The following SEMA6D variants were observed in gnomAD, a reference collection of about 807,000 sequenced individuals.
SEMA6D encodes semaphorin-6D.
SEMA6D carries 35 observed loss-of-function variants against 106.6 expected under a neutral mutation model. That is an observed-to-expected ratio of 0.33 (90% CI 0.25 to 0.44). The LOEUF (loss-of-function observed/expected upper bound fraction) is 0.44, where lower values mean the gene tolerates loss of function less well. SEMA6D is among the 20% of genes least tolerant of loss of function. The pLI is 1.00. For missense variants in SEMA6D, 1,185 were observed against 1,345.9 expected (o/e 0.88, Z 1.87); for synonymous variants, 499 against 487.7 (o/e 1.02, Z -0.31).
At chr15:47,660,353 T>A (rs1372832037) in intron 4 of SEMA6D, among the ~76,000 whole-genome samples, 2 of 152,118 alleles carry the variant, frequency 1.3e-5, no homozygotes, top group South Asian at 4.1e-4. Context: ...ATTACAGACC[T>A]CGACACAATG....
intron 1 of SEMA6D, among the ~76,000 whole-genome samples, chr15:47,206,077 C>G (rs1017291272): frequency 5.9e-5 from 9 of 152,136 alleles, no homozygotes; most frequent in Non-Finnish European, 1.2e-4. Context: ...CATCCTTACA[C>G]TAAAATTTTG....
chr15:47,673,519 C>G (rs2078178745), intron 4 of SEMA6D, among the ~76,000 whole-genome samples: 1 of 152,138 alleles, frequency 6.6e-6, no homozygotes. Context: ...CCGGGCAGGT[C>G]CAGAAAACAT....
chr15:47,738,053 G>C (rs917524883), intron 1 of SEMA6D, among the ~76,000 whole-genome samples: 1 of 151,502 alleles, frequency 6.6e-6, no homozygotes, highest in Admixed American at 6.6e-5. Flanking sequence ...AAAAAAAAAG[G>C]GTTACATATG....
chr15:47,462,860 T>A (rs903631819), intron 2 of SEMA6D, among the ~76,000 whole-genome samples: 1 of 152,114 alleles, frequency 6.6e-6, no homozygotes, highest in Admixed American at 6.6e-5. Context: ...TAAAACCTGT[T>A]CTGCAAGAAC....
At chr15:47,194,880 T>C (rs549760865) in intron 1 of SEMA6D, among the ~76,000 whole-genome samples, 3 of 152,316 alleles carry the variant, frequency 2.0e-5, no homozygotes, top group South Asian at 2.1e-4. Flanking sequence ...AAGTTTTGTG[T>C]TGAATGATGT....
At chr15:47,725,217 G>A (rs1354416355) in intron 1 of SEMA6D, among the ~76,000 whole-genome samples, 1 of 152,122 alleles carries the variant, frequency 6.6e-6, no homozygotes, top group Non-Finnish European at 1.5e-5. Context: ...GTTTTTTGAG[G>A]CTATAGTGCA....
In SEMA6D at chr15:47,765,971, C is replaced by G; in HGVS notation, c.1530C>G (p.Ile510Met). ...YVAFSSCIIR[I>M]PLSRCERYGS... Reference sequence around the variant, plus strand: ...CGTTCTCTAGCTGCATTATCCGCATCCCCCTCAGTCGCTGTGAGCGTTATG... The same window carrying G: ...CGTTCTCTAGCTGCATTATCCGCATGCCCCTCAGTCGCTGTGAGCGTTATG... The change falls in exon 14 of 19, where the codon ATC (isoleucine) becomes ATG (methionine). Residue 510 changes from isoleucine (I) to methionine (M), a missense_variant. By Grantham distance (10) the Ile-to-Met change is conservative. Transcript: ENST00000536845. 2.5e-6 allele frequency: 4 copies of G among 1,593,664 alleles called. No homozygotes were observed. The highest frequency in any genetic ancestry group is 2.2e-5 in the East Asian group (1 of 44,712).
intron 2 of SEMA6D, among the ~76,000 whole-genome samples, chr15:47,451,537 T>C (rs1390869): frequency 0.49 from 74,393 of 151,622 alleles, 19,577 homozygotes; most frequent in African/African-American, 0.69. Context: ...GAGTGAGAAA[T>C]CAGAAAATGA....
intron 1 of SEMA6D, among the ~76,000 whole-genome samples, chr15:47,357,272 T>A (rs2038617810): frequency 6.6e-6 from 1 of 151,974 alleles, no homozygotes; most frequent in Non-Finnish European, 1.5e-5. Flanking sequence ...GGGCGGAGCC[T>A]GCAGTGAGCC....
chr15:47,219,924 G>T (rs1463344854), intron 1 of SEMA6D, among the ~76,000 whole-genome samples: 2 of 152,130 alleles, frequency 1.3e-5, no homozygotes, highest in Non-Finnish European at 2.9e-5. Flanking sequence ...CATGTCTAGG[G>T]CCCTGGGTGG....
chr15:47,422,401 C>T (rs922949129), intron 2 of SEMA6D, among the ~76,000 whole-genome samples: 2 of 152,008 alleles, frequency 1.3e-5, no homozygotes, highest in Non-Finnish European at 2.9e-5. Context: ...TTGATTGATA[C>T]TACCTTTTCA....
intron 3 of SEMA6D, among the ~76,000 whole-genome samples, chr15:47,506,530 G>A (rs1477518918): frequency 2.0e-5 from 3 of 151,444 alleles, no homozygotes; most frequent in Admixed American, 6.6e-5. Context: ...TTACCTTGGC[G>A]ACTCACCCAG....
chr15:47,744,181 G>A (rs1250995491), intron 1 of SEMA6D, among the ~76,000 whole-genome samples: 3 of 152,130 alleles, frequency 2.0e-5, no homozygotes, highest in Non-Finnish European at 2.9e-5. Context: ...AATAACTTCT[G>A]CCCTAAGCCT....
At chr15:47,489,070 T>G (rs1193754697) in intron 3 of SEMA6D, among the ~76,000 whole-genome samples, 1 of 152,066 alleles carries the variant, frequency 6.6e-6, no homozygotes, top group Non-Finnish European at 1.5e-5. Flanking sequence ...AATCCCAAGA[T>G]GAGATAATCC....
In SEMA6D at chr15:47,761,223, G is replaced by C; in HGVS notation, c.345+3G>C. 1 of 1,613,552 alleles carries C rather than the reference G, an allele frequency of 6.2e-7. No individual in the cohort carries two copies. The highest frequency in any genetic ancestry group is 8.5e-7 in the Non-Finnish European group (1 of 1,179,702). ...GTGCTATGAAAGGCAAGCATAAAGT[G>C]AGTGAAACAGAAAAATGTCTGCTAG... On this transcript the variant is annotated splice_donor_region_variant and intron_variant, in intron 5 of 18. Coordinates refer to ENST00000536845, the MANE Select transcript of SEMA6D (RefSeq NM_001358351.3).
At chr15:47,225,525 T>G (rs2031583869) in intron 1 of SEMA6D, among the ~76,000 whole-genome samples, 1 of 42,558 alleles carries the variant, frequency 2.3e-5, no homozygotes, top group African/African-American at 4.1e-5. Context: ...GAGGGTTTTT[T>G]TTTTTTTTTT....
intron 4 of SEMA6D, among the ~76,000 whole-genome samples, chr15:47,695,783 G>A (rs1039319430): frequency 2.6e-5 from 4 of 152,174 alleles, no homozygotes; most frequent in Non-Finnish European, 4.4e-5. Flanking sequence ...GTGACAGCAA[G>A]TTGATTTATA....
At chr15:47,265,443 T>C (rs2034273107) in intron 1 of SEMA6D, among the ~76,000 whole-genome samples, 1 of 151,942 alleles carries the variant, frequency 6.6e-6, no homozygotes, top group African/African-American at 2.4e-5. Flanking sequence ...TTAAAAATAA[T>C]TTATATTTCT....
chr15:47,454,599 G>GCACACACACACACACACACA (rs71118183), intron 2 of SEMA6D, among the ~76,000 whole-genome samples: 12 of 148,874 alleles, frequency 8.1e-5, no homozygotes, highest in East Asian at 4.0e-4. Context: ...TTGCACATGT[G>GCACACACACACACACACACA]CACACACACA....
Sources: allele counts gnomAD v4.1 joint callset (sites outside exome capture counted in the v4.1 genomes callset), GRCh38; gene constraint gnomAD v4.1.1; transcripts MANE v1.5; gene names NCBI Gene and HGNC (gene_info 2026-07-23, HGNC 2026-07-21).